ARRB1: variants seen among roughly 807,000 people sequenced by gnomAD.
ARRB1 encodes the protein beta-arrestin-1.
ARRB1 carries 21 observed loss-of-function variants against 56.8 expected under a neutral mutation model. The ratio of observed to expected loss-of-function variants is 0.37; its 90% CI spans 0.26 to 0.53. The LOEUF (loss-of-function observed/expected upper bound fraction) is 0.53, where lower values mean the gene tolerates loss of function less well. ARRB1 is among the 20% of genes least tolerant of loss of function. The pLI is 0.88. For missense variants in ARRB1, 424 were observed against 553.7 expected (o/e 0.77, Z 2.35); for synonymous variants, 210 against 218.6 (o/e 0.96, Z 0.35).
At chr11:75,291,367 G>A (rs1946608574) in intron 1 of ARRB1, among the ~76,000 whole-genome samples, 2 of 152,122 alleles carry the variant, frequency 1.3e-5, no homozygotes, top group South Asian at 2.1e-4. Context: ...TGAATGGCAG[G>A]TAGCAAACAC....
chr11:75,336,845 C>T (rs570500261), intron 1 of ARRB1, among the ~76,000 whole-genome samples: 1 of 152,250 alleles, frequency 6.6e-6, no homozygotes, highest in South Asian at 2.1e-4. Context: ...ATTATCACCT[C>T]CGTGGTATGC....
At position 75,343,246 on chromosome 11, in the gene ARRB1, C is replaced by T. The variant is rs568851041; in HGVS notation, c.20+8342G>A. On this transcript the variant is annotated intron_variant, in intron 1 of 15. Coordinates refer to ENST00000420843, the MANE Select transcript of ARRB1 (RefSeq NM_004041.5). ...GAGAGATTACAAGAAGGTCACAAAG[C>T]GCTGGGAATCCAGTGAGGGCTTCCC... is the stretch of plus-strand genomic sequence containing the variant. Among the ~76,000 whole-genome samples, 269 of 152,230 alleles carry T rather than the reference C, an allele frequency of 1.8e-3. 2 individuals carry two copies. The highest frequency in any genetic ancestry group is 6.2e-3 in the African/African-American group (258 of 41,528).
At chr11:75,283,602 T>C (rs993872586) in intron 4 of ARRB1, 119 bp from the exon 5 acceptor site, 3 of 981,316 alleles carry the variant, frequency 3.1e-6, no homozygotes, top group Non-Finnish European at 2.9e-6. Flanking sequence ...TCCCAAGCTC[T>C]GTGGGGATGG....
chr11:75,315,657 AG>A (rs1352821975), intron 1 of ARRB1, among the ~76,000 whole-genome samples: 1 of 152,166 alleles, frequency 6.6e-6, no homozygotes, highest in East Asian at 1.9e-4. Context: ...TTTTCTTGGT[AG>A]GAATAAACGG....
At chr11:75,278,462 G>A (rs1335993165) in intron 8 of ARRB1, 147 bp downstream of exon 8, 2 of 1,182,176 alleles carry the variant, frequency 1.7e-6, no homozygotes, top group Non-Finnish European at 2.3e-6. Flanking sequence ...CCCATGAGAG[G>A]TCTCAGATTC....
chr11:75,261,879 G>A lies in ARRB1; in HGVS notation c.*4284C>T, dbSNP rs1017475072. The A allele has an allele frequency of 6.6e-6, 1 of 152,254 alleles. No homozygotes were observed. Among genetic ancestry groups the A allele is most frequent in the Non-Finnish European group, 1.5e-5 (1 of 68,074 alleles). The allele number at this position is 152,254 out of a possible 1,614,324, so 9.4% of individuals were successfully genotyped here. A position where few individuals can be genotyped will look rare whatever the true frequency, so the allele number is the denominator to read the frequency against. The stretch of plus-strand genomic sequence containing the variant: ...AATTATAGATATCAGAACAGGCATA[G>A]GCCTATGTCCATGAGACCCTATAAG... On this transcript the variant is annotated 3_prime_UTR_variant, in exon 16 of 16. Transcript: ENST00000420843.
intron 1 of ARRB1, among the ~76,000 whole-genome samples, chr11:75,331,815 G>A (rs1844041272): frequency 6.6e-6 from 1 of 151,876 alleles, no homozygotes; most frequent in Non-Finnish European, 1.5e-5. Flanking sequence ...TGGGTTTTAT[G>A]TAACCCTACA....
intron 1 of ARRB1, among the ~76,000 whole-genome samples, chr11:75,328,315 G>A (rs1947472514): frequency 6.6e-6 from 1 of 152,168 alleles, no homozygotes; most frequent in Non-Finnish European, 1.5e-5. Flanking sequence ...GTACAGCATG[G>A]ATATACCACC....
intron 1 of ARRB1, among the ~76,000 whole-genome samples, chr11:75,335,775 C>G (rs370038554): frequency 6.6e-6 from 1 of 152,190 alleles, no homozygotes; most frequent in South Asian, 2.1e-4. Flanking sequence ...TATTAAGAAC[C>G]CCATCCTCAA....
At chr11:75,281,623 A>T in intron 6 of ARRB1, 1 of 355,822 alleles carries the variant, frequency 2.8e-6, no homozygotes, top group Non-Finnish European at 5.2e-6. Context: ...CAGTTTCCCC[A>T]TCTGTGAAAT....
At chr11:75,328,928 C>T (rs148261905) in intron 1 of ARRB1, among the ~76,000 whole-genome samples, 73 of 152,264 alleles carry the variant, frequency 4.8e-4, no homozygotes, top group Admixed American at 1.6e-3. Context: ...GGAACGGGAA[C>T]GGCTGGGCTG....
At chr11:75,322,558 T>C (rs1947364008) in intron 1 of ARRB1, among the ~76,000 whole-genome samples, 2 of 152,110 alleles carry the variant, frequency 1.3e-5, no homozygotes, top group Non-Finnish European at 2.9e-5. Context: ...GGGAGGGTTC[T>C]AGGGGAAGAC....
At chr11:75,304,077 T>TA (rs1182669004) in intron 1 of ARRB1, among the ~76,000 whole-genome samples, 2 of 152,120 alleles carry the variant, frequency 1.3e-5, no homozygotes, top group Non-Finnish European at 2.9e-5. Context: ...GGGAACCCAT[T>TA]AGCTATAGGG....
intron 1 of ARRB1, among the ~76,000 whole-genome samples, chr11:75,336,539 A>T (rs1947605586): frequency 1.3e-5 from 2 of 152,086 alleles, no homozygotes; most frequent in East Asian, 3.9e-4. Flanking sequence ...ACGAATCTTT[A>T]TGAGAAGATA....
intron 6 of ARRB1, 33 bp downstream of exon 6, chr11:75,281,927 GGA>G: frequency 6.2e-7 from 1 of 1,608,148 alleles, no homozygotes; most frequent in South Asian, 1.1e-5. Flanking sequence ...TGAGACTCCT[GGA>G]GCCAGAGAGA....
At position 75,317,877 on chromosome 11, in the gene ARRB1, C is replaced by T. The variant is rs566436391; in HGVS notation, c.21-27838G>A. Among the ~76,000 whole-genome samples, 196 of 152,280 alleles carry T rather than the reference C, an allele frequency of 1.3e-3. 7 individuals are homozygous for T. In the South Asian group the frequency reaches 0.038, roughly 29 times the overall value. ...AGAGGTTACCCCCTAGCCTGGGTCA[C>T]GGCAGGGACCAGCACCGAGGACTAG... is the stretch of plus-strand genomic sequence containing the variant. On this transcript the variant is annotated intron_variant, in intron 1 of 15. Transcript: ENST00000420843.
At chr11:75,289,900 C>G in intron 2 of ARRB1, 109 bp downstream of exon 2, 1 of 1,517,656 alleles carries the variant, frequency 6.6e-7, no homozygotes, top group South Asian at 1.1e-5. Flanking sequence ...CCTGCCCCCT[C>G]CCACAGAGGT....
intron 3 of ARRB1, among the ~76,000 whole-genome samples, chr11:75,286,123 T>C (rs1215478714): frequency 2.6e-5 from 4 of 152,048 alleles, no homozygotes; most frequent in Non-Finnish European, 5.9e-5. Flanking sequence ...TTCCTCCTGG[T>C]GAGCTGAAGC....
At chr11:75,322,960 A>T (rs1452180744) in intron 1 of ARRB1, among the ~76,000 whole-genome samples, 1 of 152,208 alleles carries the variant, frequency 6.6e-6, no homozygotes. Context: ...TACGCATGTA[A>T]AGAACTTGGA....
Sources: gnomAD v4.1 joint callset for allele counts (sites outside exome capture counted in the v4.1 genomes callset) on GRCh38, gnomAD v4.1.1 for gene constraint, MANE v1.5 for transcripts, NCBI Gene and HGNC (gene_info 2026-07-23, HGNC 2026-07-21) for gene names.